Variants in PPM1D observed in about 807,000 individuals in gnomAD.
The protein encoded by PPM1D is protein phosphatase 1D.
In PPM1D, 52 loss-of-function variants were observed where a neutral mutation model predicts 58.3. The ratio of observed to expected loss-of-function variants is 0.89; its 90% confidence interval spans 0.71 to 1.12. The LOEUF is 1.12. Ranked by LOEUF, PPM1D falls within the 50% of genes most tolerant of loss-of-function variation. The probability of loss-of-function intolerance (pLI) is 0.00; values close to 1 mark genes in which losing one functional copy is unlikely to be tolerated. For missense variants in PPM1D, 564 were observed against 777.2 expected, an observed-to-expected ratio of 0.73 and a Z score of 3.26; for synonymous variants, 278 against 285.1, an observed-to-expected ratio of 0.98 and a Z score of 0.25.
At chr17:60,622,989 C>T (rs925944455) in intron 1 of PPM1D, among the ~76,000 whole-genome samples, 4 of 152,096 alleles carry the variant, frequency 2.6e-5, no homozygotes, top group Admixed American at 6.5e-5. Context: ...ACCAGCTACT[C>T]GAGAGGCTGA....
chr17:60,610,874 G>A (rs1382481163), intron 1 of PPM1D, among the ~76,000 whole-genome samples: 2 of 152,216 alleles, frequency 1.3e-5, no homozygotes, highest in African/African-American at 2.4e-5. Context: ...GTTTATACCT[G>A]TTTATTCCCC....
At chr17:60,635,859 TC>T (rs2031013815) in intron 3 of PPM1D, among the ~76,000 whole-genome samples, 1 of 152,230 alleles carries the variant, frequency 6.6e-6, no homozygotes, top group African/African-American at 2.4e-5. Flanking sequence ...AATCAAATAC[TC>T]CCACACTTAG....
At chr17:60,654,001 G>A (rs1441839119) in intron 4 of PPM1D, among the ~76,000 whole-genome samples, 1 of 152,062 alleles carries the variant, frequency 6.6e-6, no homozygotes, top group African/African-American at 2.4e-5. Flanking sequence ...TTCGTTTCCA[G>A]TTTGGTTACC....
At chr17:60,639,042 C>A (rs921323298) in intron 3 of PPM1D, among the ~76,000 whole-genome samples, 1 of 152,132 alleles carries the variant, frequency 6.6e-6, no homozygotes, top group Non-Finnish European at 1.5e-5. Context: ...AGCACATGAT[C>A]TTTGCCCTCA....
intron 3 of PPM1D, among the ~76,000 whole-genome samples, chr17:60,645,522 GTA>G (rs200672148): frequency 0.073 from 8,920 of 122,976 alleles, 1,164 homozygotes; most frequent in African/African-American, 0.28. Flanking sequence ...GTATATATAT[GTA>G]TATATATATG....
intron 4 of PPM1D, among the ~76,000 whole-genome samples, chr17:60,648,736 T>C (rs2031292381): frequency 1.3e-5 from 2 of 151,068 alleles, no homozygotes; most frequent in Admixed American, 1.3e-4. Context: ...TTCACAAAGT[T>C]GTACAACCAT....
intron 1 of PPM1D, among the ~76,000 whole-genome samples, chr17:60,610,519 G>A (rs2030433361): frequency 6.6e-6 from 1 of 152,124 alleles, no homozygotes; most frequent in Non-Finnish European, 1.5e-5. Context: ...ACATGTCTTT[G>A]GTTGTTCTTC....
At position 60,600,648 on chromosome 17, in the gene PPM1D, T is replaced by C. The variant is rs753797452; in HGVS notation, c.234T>C (p.Pro78=). The C allele has an allele frequency of 6.5e-7, 1 of 1,547,716 alleles. No homozygotes were observed. The highest frequency in any genetic ancestry group is 2.4e-5 in the East Asian group (1 of 40,848). The change falls in exon 1 of 6, where the codon CCT becomes CCC. Residue 78 remains proline (P), a synonymous_variant. Coordinates refer to ENST00000305921, the MANE Select transcript of PPM1D (RefSeq NM_003620.4). ...TGGCAGCCCGAGAGGCTCGCGACCC[T>C]CTCCCGGACGCCGGGGCCTCGCCGG... The part of the protein sequence containing the change: ...PAVAAREARD[P]LPDAGASPAP...
intron 4 of PPM1D, 148 bp downstream of exon 4, chr17:60,648,230 A>C (rs1296043186): frequency 1.8e-5 from 13 of 739,796 alleles, no homozygotes; most frequent in Non-Finnish European, 2.7e-5. Context: ...TAGGCTTTGT[A>C]GCTCCTAATC....
intron 3 of PPM1D, among the ~76,000 whole-genome samples, chr17:60,635,822 C>T (rs768467077): frequency 2.0e-5 from 3 of 152,148 alleles, no homozygotes; most frequent in South Asian, 2.1e-4. Context: ...ATTACAGTCC[C>T]GCTGTATTAG....
intron 2 of PPM1D, among the ~76,000 whole-genome samples, chr17:60,624,549 G>A (rs1456742393): frequency 6.6e-6 from 1 of 152,198 alleles, no homozygotes; most frequent in African/African-American, 2.4e-5. Flanking sequence ...CACTTTGGGA[G>A]GCTGAGGCGG....
chr17:60,618,886 AC>A (rs1206768579), intron 1 of PPM1D, among the ~76,000 whole-genome samples: 7 of 152,116 alleles, frequency 4.6e-5, no homozygotes. Context: ...TCACATAGTT[AC>A]CTTTTTTTGG....
In PPM1D at chr17:60,635,221, G is replaced by T. The variant is rs576770076; in HGVS notation, c.826+1244G>T. On this transcript the variant is annotated intron_variant, in intron 3 of 5. Coordinates refer to ENST00000305921, the MANE Select transcript of PPM1D (RefSeq NM_003620.4). Reference sequence around the variant, plus strand: ...ATTTCCTTATATACACATATGGGTTGTTTTTTTTTTTTAAATGGAGTTTTA... The same window carrying T: ...ATTTCCTTATATACACATATGGGTTTTTTTTTTTTTTTAAATGGAGTTTTA... Among the ~76,000 whole-genome samples, 283 of 144,164 alleles carry T rather than the reference G, an allele frequency of 2.0e-3. 2 individuals are homozygous for T. The highest frequency in any genetic ancestry group is 9.8e-4 in the Non-Finnish European group (64 of 65,232). 94.6% of individuals were successfully genotyped at this position (144,164 alleles called of 152,430 possible). A position where few individuals can be genotyped will look rare whatever the true frequency, so the allele number is the denominator to read the frequency against.
chr17:60,608,590 C>G (rs2030381914), intron 1 of PPM1D, among the ~76,000 whole-genome samples: 2 of 151,746 alleles, frequency 1.3e-5, no homozygotes, highest in Non-Finnish European at 2.9e-5. Flanking sequence ...GATTCTGTCT[C>G]AACAATAAAT....
chr17:60,614,428 A>G (rs2143637809), intron 1 of PPM1D, among the ~76,000 whole-genome samples: 1 of 152,286 alleles, frequency 6.6e-6, no homozygotes, highest in Middle Eastern at 3.4e-3. Context: ...CAGGGATTGT[A>G]AATGCACCAA....
intron 4 of PPM1D, among the ~76,000 whole-genome samples, chr17:60,650,646 C>T (rs921698495): frequency 6.6e-6 from 1 of 152,020 alleles, no homozygotes. Context: ...TATGATGACA[C>T]CTAAATTTCT....
At chr17:60,604,501 A>G (rs931529541) in intron 1 of PPM1D, 1 of 152,224 alleles carries the variant, frequency 6.6e-6, no homozygotes, top group Non-Finnish European at 1.5e-5. Context: ...TTCCTGTAGT[A>G]TGTAACAAAA....
At chr17:60,647,369 A>G (rs912375159) in intron 3 of PPM1D, among the ~76,000 whole-genome samples, 1 of 152,070 alleles carries the variant, frequency 6.6e-6, no homozygotes, top group African/African-American at 2.4e-5. Flanking sequence ...AAACATTTAT[A>G]TTTTCTATGT....
intron 1 of PPM1D, among the ~76,000 whole-genome samples, chr17:60,623,082 A>G (rs2030738893): frequency 6.6e-6 from 1 of 152,238 alleles, no homozygotes; most frequent in Non-Finnish European, 1.5e-5. Flanking sequence ...AAAAAACAAC[A>G]AAACAGAAAA....
Sources: allele counts gnomAD v4.1 joint callset (sites outside exome capture counted in the v4.1 genomes callset), GRCh38; gene constraint gnomAD v4.1.1; transcripts MANE v1.5; gene names NCBI Gene and HGNC (gene_info 2026-07-23, HGNC 2026-07-21).